RYR2: variants seen among roughly 807,000 people sequenced by gnomAD.
The protein encoded by RYR2 is cardiac muscle ryanodine receptor-calcium release channel.
In RYR2, 227 loss-of-function variants were observed where a neutral mutation model predicts 601.1. The observed-to-expected ratio is 0.38, with a 90% CI of 0.34 to 0.42. The LOEUF (loss-of-function observed/expected upper bound fraction) is 0.42. Ranked by LOEUF, RYR2 falls within the 10% of genes least tolerant of loss-of-function variation. The pLI is 1.00. For missense variants in RYR2, 4,646 were observed against 6,156.5 expected (o/e 0.75, Z 8.21); for synonymous variants, 2,223 against 2,175.1 (o/e 1.02, Z -0.61).
chr1:237,064,288 T>A (rs1388424212), intron 1 of RYR2, among the ~76,000 whole-genome samples: 1 of 152,188 alleles, frequency 6.6e-6, no homozygotes, highest in African/African-American at 2.4e-5. Context: ...ATCTACTGAA[T>A]TCTTAAATTT....
rs1435261808 is a variant in RYR2, at chr1:237,733,761, A to G, written c.11091+5A>G. The G allele has an allele frequency of 1.3e-6, 2 of 1,572,684 alleles. No homozygotes were observed. Among genetic ancestry groups the G allele is most frequent in the Non-Finnish European group, 1.7e-6 (2 of 1,143,588 alleles). ...TATGCAGATATTATGGCAAAGGTAA[A>G]TAAGTATCCTTCCTGATTTTCATGT... On this transcript the variant is annotated splice_donor_5th_base_variant and intron_variant, in intron 79 of 104. Coordinates refer to ENST00000366574, the MANE Select transcript of RYR2 (RefSeq NM_001035.3).
At chr1:237,742,494 C>G in intron 80 of RYR2, 145 bp downstream of exon 80, 1 of 652,680 alleles carries the variant, frequency 1.5e-6, no homozygotes, top group Non-Finnish European at 2.7e-6. Flanking sequence ...GATGGACAAA[C>G]CTGAGTCCTA....
chr1:237,385,135 T>C (rs1009522081), intron 8 of RYR2, among the ~76,000 whole-genome samples: 4 of 152,266 alleles, frequency 2.6e-5, no homozygotes, highest in Non-Finnish European at 5.9e-5. Flanking sequence ...GTGATCCACC[T>C]GCCTCAGTCT....
In RYR2 at chr1:237,655,869, G is replaced by C. The variant is rs1467546989; in HGVS notation, c.8014G>C (p.Val2672Leu). ...FKLALPCLSA[V>L]AGALPPDYME... is the part of the protein sequence containing the mutation. ...ACTGGCACTGCCTTGCCTGAGTGCA[G>C]TTGCGGGAGCTTTGCCTCCAGACTA... The change falls in exon 53 of 105, where the codon GTT (valine) becomes CTT (leucine). Residue 2672 changes from valine (V) to leucine (L), a missense_variant. By Grantham distance (32) the Val-to-Leu change is conservative (BLOSUM62 1). Transcript: ENST00000366574. The C allele has an allele frequency of 2.5e-6, 4 of 1,609,282 alleles. No individual in the cohort carries two copies. The highest frequency in any genetic ancestry group is 3.4e-6 in the Non-Finnish European group (4 of 1,177,508).
intron 4 of RYR2, among the ~76,000 whole-genome samples, chr1:237,358,105 T>C (rs1444552763): frequency 6.6e-6 from 1 of 152,152 alleles, no homozygotes; most frequent in Non-Finnish European, 1.5e-5. Context: ...CCAGGACTAT[T>C]GAGACTCCTC....
At chr1:237,785,105 C>A in intron 90 of RYR2, 133 bp downstream of exon 90, 1 of 710,270 alleles carries the variant, frequency 1.4e-6, no homozygotes, top group Non-Finnish European at 2.5e-6. Context: ...AAGAGAAATG[C>A]TTTTTGGTAG....
chr1:237,808,271 TTAGGA>T (rs1660860241), intron 99 of RYR2, among the ~76,000 whole-genome samples: 2 of 152,330 alleles, frequency 1.3e-5, no homozygotes, highest in African/African-American at 4.8e-5. Flanking sequence ...TCTATTTAGT[TTAGGA>T]TATGATTGAA....
chr1:237,403,797 A>G (rs1703608578), intron 10 of RYR2, among the ~76,000 whole-genome samples: 1 of 152,182 alleles, frequency 6.6e-6, no homozygotes, highest in Admixed American at 6.5e-5. Flanking sequence ...TACCAAAAAG[A>G]GTTTCTTTGA....
intron 8 of RYR2, among the ~76,000 whole-genome samples, chr1:237,380,390 A>AG (rs1701386337): frequency 6.3e-5 from 2 of 31,892 alleles, no homozygotes; most frequent in African/African-American, 1.1e-4. Flanking sequence ...ATATATATAT[A>AG]TATATATATA....
chr1:237,187,295 T>C (rs1679461116), intron 1 of RYR2, among the ~76,000 whole-genome samples: 1 of 151,684 alleles, frequency 6.6e-6, no homozygotes, highest in Non-Finnish European at 1.5e-5. Context: ...GTCAGCCTCC[T>C]GAGTAGCTGA....
chr1:237,154,157 C>T (rs373548338), intron 1 of RYR2, among the ~76,000 whole-genome samples: 70 of 152,228 alleles, frequency 4.6e-4, no homozygotes, highest in African/African-American at 1.6e-3. Flanking sequence ...GTTATGGATG[C>T]GGATTATGAG....
intron 1 of RYR2, among the ~76,000 whole-genome samples, chr1:237,250,268 G>A (rs1687314304): frequency 6.6e-6 from 1 of 152,140 alleles, no homozygotes; most frequent in Non-Finnish European, 1.5e-5. Flanking sequence ...ACACTATCAT[G>A]ATCAGTTATC....
intron 60 of RYR2, among the ~76,000 whole-genome samples, chr1:237,676,356 G>GTA (rs1225824342): frequency 6.6e-6 from 1 of 152,156 alleles, no homozygotes; most frequent in Non-Finnish European, 1.5e-5. Flanking sequence ...CAGTTTTCTT[G>GTA]TATGGGGGTG....
intron 1 of RYR2, among the ~76,000 whole-genome samples, chr1:237,084,876 G>A (rs972995578): frequency 6.6e-6 from 1 of 152,240 alleles, no homozygotes; most frequent in Admixed American, 6.5e-5. Context: ...TTGAAGGGCC[G>A]GGGCCGGCCC....
rs115822412 is a variant in RYR2, at chr1:237,271,548, G to T, written c.168+932G>T. ...TGCTTTTAGGAACTATTCACTTTGAGACAGACCTACCTTGTTATTATTAAA... is the reference window on the plus strand; with the variant it reads ...TGCTTTTAGGAACTATTCACTTTGATACAGACCTACCTTGTTATTATTAAA... On this transcript the variant is annotated intron_variant, in intron 2 of 104. Transcript: ENST00000366574. Among the ~76,000 whole-genome samples, 349 of 152,170 alleles carry T rather than the reference G, an allele frequency of 2.3e-3. 2 individuals carry two copies. The highest frequency in any genetic ancestry group is 8.1e-3 in the African/African-American group (336 of 41,522).
intron 3 of RYR2, among the ~76,000 whole-genome samples, chr1:237,355,303 A>G (rs1447378086): frequency 6.6e-6 from 1 of 152,138 alleles, no homozygotes; most frequent in African/African-American, 2.4e-5. Context: ...GGCGTTGTAG[A>G]GACAGTCTTT....
rs1173793346 is a variant in RYR2 at position 237,481,822 on chromosome 1, A to C, written c.1709-9984A>C. On this transcript the variant is annotated intron_variant, in intron 17 of 104. Transcript: ENST00000366574. ...ATTGCTGTGTAGCAAAAAAAAAAAAAAAAAAAAAAAAAACCACCTCCCAAA... is the reference window on the plus strand; with the variant it reads ...ATTGCTGTGTAGCAAAAAAAAAAAACAAAAAAAAAAAAACCACCTCCCAAA... 4.7e-5 allele frequency among the ~76,000 whole-genome samples: 7 copies of C among 149,366 alleles called. No individual in the cohort carries two copies. The East Asian group carries it at 5.8e-4, about 12-fold the overall frequency.
chr1:237,112,548 CTCT>C (rs1425080517), intron 1 of RYR2, among the ~76,000 whole-genome samples: 2 of 146,022 alleles, frequency 1.4e-5, no homozygotes, highest in East Asian at 4.0e-4. Context: ...TTCCCCCTAC[CTCT>C]TCTTTCTAAG....
At chr1:237,625,260 G>A (rs1271696560) in intron 39 of RYR2, among the ~76,000 whole-genome samples, 2 of 152,104 alleles carry the variant, frequency 1.3e-5, no homozygotes, top group Admixed American at 1.3e-4. Context: ...ATTTTTGGAG[G>A]CAAGAGAGGA....
Sources: gnomAD v4.1 joint callset for allele counts (sites outside exome capture counted in the v4.1 genomes callset) on GRCh38, gnomAD v4.1.1 for gene constraint, MANE v1.5 for transcripts, NCBI Gene and HGNC (gene_info 2026-07-23, HGNC 2026-07-21) for gene names.